PPM1E: variants seen among roughly 807,000 people sequenced by gnomAD.
The protein encoded by PPM1E is protein phosphatase, Mg2+/Mn2+ dependent 1E, also known as protein phosphatase 1E.
In PPM1E, 20 loss-of-function variants were observed where a neutral mutation model predicts 65.9. That is an observed-to-expected ratio of 0.30 (90% CI 0.21 to 0.44). The LOEUF (loss-of-function observed/expected upper bound fraction) is 0.44, where lower values mean the gene tolerates loss of function less well. PPM1E is among the 20% of genes least tolerant of loss of function. PPM1E has a pLI of 1.00. For synonymous variants in PPM1E, 352 were observed against 374.9 expected (o/e 0.94, Z 0.70); for missense variants, 713 against 953.1 (o/e 0.75, Z 3.32).
At chr17:58,927,122 C>CTTTTTT (rs533990179) in intron 1 of PPM1E, among the ~76,000 whole-genome samples, 4 of 124,630 alleles carry the variant, frequency 3.2e-5, no homozygotes, top group African/African-American at 6.1e-5. Context: ...GACTTTTAAA[C>CTTTTTT]TTTTTTTTTT....
Position 58,756,404 on chromosome 17 carries a change from C to T in PPM1E, c.407C>T (p.Thr136Ile). The T allele has an allele frequency of 7.4e-7, 1 of 1,359,424 alleles. No individual in the cohort carries two copies. The highest frequency in any genetic ancestry group is 3.1e-5 in the East Asian group (1 of 32,676). 84.2% of individuals were successfully genotyped at this position (1,359,424 alleles called of 1,614,324 possible). A position where few individuals can be genotyped will look rare whatever the true frequency, so the allele number is the denominator to read the frequency against. ...CCGCGACCGCTGTCAGAGCGCATCACCCGCGAGGAGGTGGAGGGCGAAAGC... is the reference window on the plus strand; with the variant it reads ...CCGCGACCGCTGTCAGAGCGCATCATCCGCGAGGAGGTGGAGGGCGAAAGC... ...PLPRPLSERITREEVEGESLD... is the reference protein window; with the variant it reads ...PLPRPLSERIIREEVEGESLD... The change falls in exon 1 of 7, where the codon ACC (threonine) becomes ATC (isoleucine). Residue 136 changes from threonine to isoleucine, a missense_variant. By Grantham distance (89) the Thr-to-Ile change is moderately conservative. This residue lies in a region of PPM1E where 212 missense variants were observed against 204.0 expected (regional missense o/e 1.04). Coordinates refer to ENST00000308249, the MANE Select transcript of PPM1E (RefSeq NM_014906.5).
chr17:58,776,407 T>G (rs1054944560), intron 1 of PPM1E, among the ~76,000 whole-genome samples: 6 of 152,218 alleles, frequency 3.9e-5, no homozygotes, highest in African/African-American at 1.4e-4. Context: ...GAACACATAA[T>G]GGATTCTTAC....
chr17:58,827,993 C>G (rs893154200), intron 1 of PPM1E, among the ~76,000 whole-genome samples: 9 of 150,426 alleles, frequency 6.0e-5, no homozygotes, highest in African/African-American at 2.2e-4. Context: ...TTGAGGTGGG[C>G]AGATCACCCG....
chr17:58,982,933 A>T lies in PPM1E; in HGVS notation c.*1902A>T. On this transcript the variant is annotated 3_prime_UTR_variant, in exon 7 of 7. Coordinates refer to ENST00000308249, the MANE Select transcript of PPM1E (RefSeq NM_014906.5). Reference sequence around the variant, plus strand: ...TCAAATCAAATTATCTAAGAAAACAAGAAAACAAAGGCAGCAGACTATTGG... The same window carrying T: ...TCAAATCAAATTATCTAAGAAAACATGAAAACAAAGGCAGCAGACTATTGG... 6.4e-7 allele frequency: 1 copy of T among 1,574,286 alleles called. No homozygotes were observed. The highest frequency in any genetic ancestry group is 8.6e-7 in the Non-Finnish European group (1 of 1,158,238).
chr17:58,857,922 C>A (rs1296775515), intron 1 of PPM1E, among the ~76,000 whole-genome samples: 1 of 152,022 alleles, frequency 6.6e-6, no homozygotes, highest in East Asian at 1.9e-4. Flanking sequence ...ACTGCTACTC[C>A]CTACATATTA....
At chr17:58,824,550 G>A (rs531619164) in intron 1 of PPM1E, among the ~76,000 whole-genome samples, 1 of 150,236 alleles carries the variant, frequency 6.7e-6, no homozygotes, top group South Asian at 2.1e-4. Flanking sequence ...ATGAATTTAG[G>A]TTGCTTTAGC....
At position 58,906,461 on chromosome 17, in the gene PPM1E, C is replaced by T. The variant is rs548261933; in HGVS notation, c.465-49188C>T. Among the ~76,000 whole-genome samples the T allele has an allele frequency of 2.0e-5, 3 of 152,198 alleles. No individual in the cohort carries two copies. In the East Asian group the frequency reaches 5.8e-4, roughly 29 times the overall value. ...TCAAGTGATCCTCCCACCTCAACCT[C>T]CCGAGTACCTGGGACTACAGGCGTG... On this transcript the variant is annotated intron_variant, in intron 1 of 6. Coordinates refer to ENST00000308249, the MANE Select transcript of PPM1E (RefSeq NM_014906.5).
intron 1 of PPM1E, among the ~76,000 whole-genome samples, chr17:58,908,669 A>C (rs2051587652): frequency 6.8e-6 from 1 of 146,052 alleles, no homozygotes; most frequent in African/African-American, 2.5e-5. Flanking sequence ...TGAACTCCTG[A>C]CCTCAGGTGA....
In PPM1E at chr17:58,981,012, G is replaced by T. The variant is rs200685038; in HGVS notation, c.2249G>T (p.Trp750Leu). 40 of 1,599,698 alleles carry T rather than the reference G, an allele frequency of 2.5e-5. No individual in the cohort carries two copies. The highest frequency in any genetic ancestry group is 3.4e-5 in the Non-Finnish European group (40 of 1,175,826). ...GATATTCCATGCCCAGATCTTCCTTGGAGCTATAAAATAGAATAATTTTTC... is the reference window on the plus strand; with the variant it reads ...GATATTCCATGCCCAGATCTTCCTTTGAGCTATAAAATAGAATAATTTTTC... Reference protein sequence around the residue: ...THDIPCPDLPWSYKIE With the variant: ...THDIPCPDLPLSYKIE The change falls in exon 7 of 7, where the codon TGG (tryptophan) becomes TTG (leucine). Residue 750 changes from tryptophan (W) to leucine (L), a missense_variant. By Grantham distance (61) the Trp-to-Leu change is moderately conservative. Coordinates refer to ENST00000308249, the MANE Select transcript of PPM1E (RefSeq NM_014906.5).
chr17:58,900,792 C>T (rs1291497985), intron 1 of PPM1E, among the ~76,000 whole-genome samples: 1 of 151,944 alleles, frequency 6.6e-6, no homozygotes, highest in East Asian at 1.9e-4. Flanking sequence ...TTAATGTTTT[C>T]TTATGCATAT....
At chr17:58,825,833 T>C (rs1365590087) in intron 1 of PPM1E, among the ~76,000 whole-genome samples, 2 of 151,842 alleles carry the variant, frequency 1.3e-5, no homozygotes, top group East Asian at 1.9e-4. Context: ...GCCTCCCAAA[T>C]TGATGGGATT....
chr17:58,781,676 C>T (rs1044150816), intron 1 of PPM1E, among the ~76,000 whole-genome samples: 31 of 151,706 alleles, frequency 2.0e-4, no homozygotes, highest in African/African-American at 7.5e-4. Context: ...CTGAGGCAGG[C>T]GGATCACCTG....
intron 1 of PPM1E, among the ~76,000 whole-genome samples, chr17:58,859,781 C>T (rs746318016): frequency 6.6e-6 from 1 of 152,220 alleles, no homozygotes; most frequent in Non-Finnish European, 1.5e-5. Flanking sequence ...ACAGCTTCCA[C>T]CACCATGTTT....
chr17:58,845,481 A>T (rs1357877669), intron 1 of PPM1E, among the ~76,000 whole-genome samples: 2 of 152,058 alleles, frequency 1.3e-5, no homozygotes, highest in African/African-American at 4.8e-5. Context: ...TCTATCCATT[A>T]AACAGTAACT....
chr17:58,893,477 A>G (rs935090486), intron 1 of PPM1E, among the ~76,000 whole-genome samples: 4 of 152,234 alleles, frequency 2.6e-5, no homozygotes, highest in Admixed American at 6.5e-5. Context: ...GGCAGAACCC[A>G]GAGGATTTTT....
At chr17:58,892,270 A>G (rs2030293257) in intron 1 of PPM1E, among the ~76,000 whole-genome samples, 2 of 152,156 alleles carry the variant, frequency 1.3e-5, no homozygotes, top group Admixed American at 6.6e-5. Context: ...CTTGTGTTAC[A>G]TTTTAATTTT....
intron 1 of PPM1E, among the ~76,000 whole-genome samples, chr17:58,896,265 G>A (rs549293419): frequency 1.3e-5 from 2 of 152,100 alleles, no homozygotes; most frequent in Non-Finnish European, 2.9e-5. Context: ...CTCTTCAATT[G>A]TACAAAGTAT....
At chr17:58,848,979 A>T (rs1263704977) in intron 1 of PPM1E, among the ~76,000 whole-genome samples, 1 of 152,132 alleles carries the variant, frequency 6.6e-6, no homozygotes, top group African/African-American at 2.4e-5. Flanking sequence ...CAGAGATTCA[A>T]CTTCTTCCTG....
At chr17:58,910,952 T>C (rs2051620424) in intron 1 of PPM1E, among the ~76,000 whole-genome samples, 1 of 152,210 alleles carries the variant, frequency 6.6e-6, no homozygotes, top group African/African-American at 2.4e-5. Context: ...GGGGATTTTT[T>C]TCTGATACTC....
Sources: gnomAD v4.1 joint callset for allele counts (sites outside exome capture counted in the v4.1 genomes callset) on GRCh38, gnomAD v4.1.1 for gene constraint, gnomAD v4.1.1 regional missense constraint, MANE v1.5 for transcripts, NCBI Gene and HGNC (gene_info 2026-07-23, HGNC 2026-07-21) for gene names.